Variants in TRAP1 observed in about 807,000 individuals in gnomAD.
TRAP1 encodes heat shock protein 75 kDa, mitochondrial.
Under a neutral mutation model 89.1 loss-of-function variants are expected in TRAP1, and 102 were observed. The ratio of observed to expected loss-of-function variants is 1.15; its 90% CI spans 0.98 to 1.35. The LOEUF is 1.35. Ranked by LOEUF, TRAP1 falls within the 40% of genes most tolerant of loss-of-function variation. The pLI, the probability that TRAP1 is intolerant of heterozygous loss-of-function variation, is 0.00. For synonymous variants in TRAP1, 508 were observed against 388.0 expected (o/e 1.31, Z -3.64); for missense variants, 1,256 against 945.3 (o/e 1.33, Z -4.31).
In TRAP1 at chr16:3,665,957, C is replaced by A; in HGVS notation, c.1383+14G>T. Reference sequence around the variant, plus strand: ...AGGTGGCCCAGAAAAAGGCCTGGAACACAGCTCCTATACCTTGACCTCCTG... The same window carrying A: ...AGGTGGCCCAGAAAAAGGCCTGGAAAACAGCTCCTATACCTTGACCTCCTG... On this transcript the variant is annotated intron_variant, in intron 12 of 17. Transcript: ENST00000246957. 1.9e-6 allele frequency: 3 copies of A among 1,606,410 alleles called. No individual in the cohort carries two copies. The highest frequency in any genetic ancestry group is 2.5e-6 in the Non-Finnish European group (3 of 1,177,478).
chr16:3,708,126 A>T (rs902096708), intron 1 of TRAP1, among the ~76,000 whole-genome samples: 2 of 152,066 alleles, frequency 1.3e-5, no homozygotes, highest in Non-Finnish European at 2.9e-5. Context: ...TGAGTCCAGG[A>T]GGTCAGGCCT....
chr16:3,690,135 TA>T (rs1415813408), intron 2 of TRAP1, among the ~76,000 whole-genome samples: 1 of 152,084 alleles, frequency 6.6e-6, no homozygotes, highest in Non-Finnish European at 1.5e-5. Flanking sequence ...GCCTCTCAAG[TA>T]CCTGGAACCA....
At chr16:3,675,520 C>G in intron 7 of TRAP1, 123 bp from the exon 8 acceptor site, 1 of 891,096 alleles carries the variant, frequency 1.1e-6, no homozygotes, top group Non-Finnish European at 1.8e-6. Context: ...GTACACTTCA[C>G]AGGTACAGAA....
intron 4 of TRAP1, among the ~76,000 whole-genome samples, chr16:3,682,102 T>C (rs987909842): frequency 6.6e-6 from 1 of 152,102 alleles, no homozygotes; most frequent in Non-Finnish European, 1.5e-5. Flanking sequence ...GGTAATTCAA[T>C]GGGGGATGAT....
chr16:3,658,669 C>G (rs1426801400), intron 17 of TRAP1, 124 bp downstream of exon 17: 4 of 879,744 alleles, frequency 4.5e-6, no homozygotes, highest in Non-Finnish European at 1.7e-6. Flanking sequence ...AACACTCCAT[C>G]TCAAAAAACA....
At position 3,663,549 on chromosome 16, in the gene TRAP1, A is replaced by G; in HGVS notation, c.1583T>C (p.Phe528Ser). Residue 528 changes from phenylalanine (F) to serine (S), a missense_variant, in exon 14 of 18, where the codon TTT becomes TCT. Coordinates refer to ENST00000246957, the MANE Select transcript of TRAP1 (RefSeq NM_016292.3). The part of the protein sequence containing the change: ...KKKDTEVLFC[F>S]EQFDELTLLH... ...CAGGGTGAGCTCATCAAACTGCTCA[A>G]AGCAGAAGAGAACCTGCAGGTGGCC... 6.2e-7 allele frequency: 1 copy of G among 1,613,984 alleles called. No homozygotes were observed. The highest frequency in any genetic ancestry group is 1.3e-5 in the African/African-American group (1 of 75,052).
chr16:3,671,440 C>T (rs1596708312), intron 11 of TRAP1, among the ~76,000 whole-genome samples: 1 of 152,342 alleles, frequency 6.6e-6, no homozygotes, highest in East Asian at 1.9e-4. Context: ...GCTGCAGTCA[C>T]AACCCTGGGG....
chr16:3,691,092 T>A, intron 1 of TRAP1, 107 bp from the exon 2 acceptor site: 1 of 1,079,392 alleles, frequency 9.3e-7, no homozygotes, highest in Non-Finnish European at 1.2e-6. Context: ...TGGACATCTC[T>A]AAGTCGGGCT....
intron 1 of TRAP1, among the ~76,000 whole-genome samples, chr16:3,706,645 G>T (rs527341473): frequency 6.6e-6 from 1 of 151,436 alleles, no homozygotes; most frequent in East Asian, 2.0e-4. Context: ...ATTTTTTTTC[G>T]AGATGGAGTC....
chr16:3,677,558 A>G lies in TRAP1; in HGVS notation c.644T>C (p.Val215Ala). Residue 215 changes from valine to alanine, a missense_variant, in exon 6 of 18, where the codon GTG becomes GCG. Transcript: ENST00000246957. Reference sequence around the variant, plus strand: ...GGCTGCCGAGCGGGAATAGACCTCCACTCTGTCAGCCACCATGAAAGCTGA... The same window carrying G: ...GGCTGCCGAGCGGGAATAGACCTCCGCTCTGTCAGCCACCATGAAAGCTGA... ...FYSAFMVADR[V>A]EVYSRSAAPG... 1.2e-6 allele frequency: 2 copies of G among 1,613,888 alleles called. No individual in the cohort carries two copies. Among genetic ancestry groups the G allele is most frequent in the Non-Finnish European group, 1.7e-6 (2 of 1,179,952 alleles).
At chr16:3,672,553 A>C in intron 10 of TRAP1, 147 bp downstream of exon 10, 1 of 1,313,256 alleles carries the variant, frequency 7.6e-7, no homozygotes. Flanking sequence ...GGGGTCTGTA[A>C]ACGCGACTGA....
intron 4 of TRAP1, 123 bp downstream of exon 4, chr16:3,685,873 C>T (rs1211121738): frequency 8.0e-7 from 1 of 1,251,188 alleles, no homozygotes; most frequent in Non-Finnish European, 1.1e-6. Flanking sequence ...AAATTATAGC[C>T]AGAGTTATCC....
In TRAP1 at chr16:3,658,847, CT is replaced by C; in HGVS notation, c.1958del (p.Lys653SerfsTer2). 6.2e-7 allele frequency: 1 copy of C among 1,614,080 alleles called. No individual in the cohort carries two copies. The highest frequency in any genetic ancestry group is 1.1e-5 in the South Asian group (1 of 91,080). On this transcript the variant is annotated frameshift_variant, in exon 17 of 18. Transcript: ENST00000246957. LOFTEE classifies it high-confidence loss of function. Reference sequence around the variant, plus strand: ...GCTCGCTTGCGCGCAGCTGATTCAGCTTCTTGATGAGCGCGTGCCTGCAACA... The same window carrying C: ...GCTCGCTTGCGCGCAGCTGATTCAGCTCTTGATGAGCGCGTGCCTGCAACA... Reference protein sequence around the residue: ...EINPRHALIKKLNQLRASEPG... With the variant: ...EINPRHALIKXLNQLRASEPG...
In TRAP1 at chr16:3,716,877, T is replaced by G. The variant is rs2051604194; in HGVS notation, c.88+544A>C. 1.3e-5 allele frequency among the ~76,000 whole-genome samples: 2 copies of G among 152,314 alleles called. 1 individual carries two copies. Among genetic ancestry groups the G allele is most frequent in the South Asian group, 4.1e-4 (2 of 4,822 alleles). ...GGGGACCCGGATGACTGCTATAGGTTTTGTTCACTGTGGCGTCCCCAGAAC... is the reference window on the plus strand; with the variant it reads ...GGGGACCCGGATGACTGCTATAGGTGTTGTTCACTGTGGCGTCCCCAGAAC... On this transcript the variant is annotated intron_variant, in intron 1 of 17. Coordinates refer to ENST00000246957, the MANE Select transcript of TRAP1 (RefSeq NM_016292.3).
At position 3,672,808 on chromosome 16, in the gene TRAP1, A is replaced by C. The variant is rs1213081958; in HGVS notation, c.1057T>G (p.Phe353Val). ...GAGCCCAGCTCCCGGCTCACATCAA[A>C]CATGGACGGTTTCTGGGGGTGAGGA... ...FYVPDMKPSM[F>V]DVSRELGSSV... is the part of the protein sequence containing the mutation. Residue 353 changes from phenylalanine (F) to valine (V), a missense_variant, in exon 10 of 18, where the codon TTT becomes GTT. By Grantham distance (50) the Phe-to-Val change is conservative. Coordinates refer to ENST00000246957, the MANE Select transcript of TRAP1 (RefSeq NM_016292.3). The C allele has an allele frequency of 6.2e-7, 1 of 1,612,926 alleles. No homozygotes were observed. Among genetic ancestry groups the C allele is most frequent in the Non-Finnish European group, 8.5e-7 (1 of 1,179,676 alleles).
chr16:3,704,747 C>T (rs933491871), intron 1 of TRAP1, among the ~76,000 whole-genome samples: 1 of 152,134 alleles, frequency 6.6e-6, no homozygotes, highest in Non-Finnish European at 1.5e-5. Flanking sequence ...GGCACAGGGG[C>T]TCATGTTTGT....
intron 1 of TRAP1, chr16:3,704,196 T>TTA (rs2051408251): frequency 6.6e-6 from 1 of 151,990 alleles, no homozygotes; most frequent in African/African-American, 2.4e-5. Context: ...AATACAAAAA[T>TTA]TAGCTGGGCA....
chr16:3,697,857 C>T (rs1003264181), intron 1 of TRAP1, among the ~76,000 whole-genome samples: 2 of 150,990 alleles, frequency 1.3e-5, no homozygotes, highest in African/African-American at 2.4e-5. Flanking sequence ...GGCGTGATCT[C>T]GGCTCACTGC....
intron 1 of TRAP1, among the ~76,000 whole-genome samples, chr16:3,692,698 A>T (rs2051232185): frequency 6.8e-6 from 1 of 147,546 alleles, no homozygotes; most frequent in Admixed American, 6.9e-5. Context: ...TCCCGGGTTC[A>T]AGCGATTCTC....
Sources: gnomAD v4.1 joint callset for allele counts (sites outside exome capture counted in the v4.1 genomes callset) on GRCh38, gnomAD v4.1.1 for gene constraint, MANE v1.5 for transcripts, NCBI Gene and HGNC (gene_info 2026-07-23, HGNC 2026-07-21) for gene names.